The following RIMS2 variants were observed in gnomAD, a reference collection of about 807,000 sequenced individuals.
The protein encoded by RIMS2 is regulating synaptic membrane exocytosis 2, also known as regulating synaptic membrane exocytosis protein 2.
A neutral mutation model predicts 174.4 loss-of-function variants in RIMS2; 59 were observed. The observed-to-expected ratio is 0.34, with a 90% CI of 0.27 to 0.42. The LOEUF (loss-of-function observed/expected upper bound fraction) is 0.42, where lower values mean the gene tolerates loss of function less well. RIMS2 is among the 10% of genes least tolerant of loss of function. The pLI is 1.00. For synonymous variants in RIMS2, 606 were observed against 572.5 expected (o/e 1.06, Z -0.84); for missense variants, 1,620 against 1,666.3 (o/e 0.97, Z 0.48).
chr8:103,521,609 T>C (rs960507838), intron 1 of RIMS2, among the ~76,000 whole-genome samples: 6 of 152,250 alleles, frequency 3.9e-5, no homozygotes, highest in African/African-American at 1.4e-4. Flanking sequence ...GAAAATTTCA[T>C]TGCAATTAAA....
intron 1 of RIMS2, among the ~76,000 whole-genome samples, chr8:103,665,559 G>A (rs963629188): frequency 3.3e-5 from 5 of 152,184 alleles, no homozygotes; most frequent in African/African-American, 4.8e-5. Flanking sequence ...AGATAGGTTT[G>A]TAATCTTTCT....
chr8:103,858,911 G>GTCAT (rs1285135133), intron 3 of RIMS2, among the ~76,000 whole-genome samples: 1 of 151,958 alleles, frequency 6.6e-6, no homozygotes, highest in Non-Finnish European at 1.5e-5. Context: ...CATTGAGCTT[G>GTCAT]TCATTCATTC....
At chr8:104,001,693 C>T (rs1019260390) in intron 17 of RIMS2, among the ~76,000 whole-genome samples, 8 of 152,008 alleles carry the variant, frequency 5.3e-5, no homozygotes, top group Non-Finnish European at 1.2e-4. Context: ...TGACCTCCAT[C>T]CCAATCCACT....
chr8:104,016,717 A>G (rs1393519648), intron 19 of RIMS2, among the ~76,000 whole-genome samples: 1 of 152,114 alleles, frequency 6.6e-6, no homozygotes, highest in Non-Finnish European at 1.5e-5. Flanking sequence ...AGAAACTATA[A>G]TTTATGCACA....
At chr8:103,948,408 AAGGTAGAAAT>A (rs2154542166) in intron 14 of RIMS2, among the ~76,000 whole-genome samples, 1 of 152,358 alleles carries the variant, frequency 6.6e-6, no homozygotes, top group Admixed American at 6.5e-5. Flanking sequence ...CAATGATTAA[AAGGTAGAAAT>A]AGTCCAAATA....
chr8:104,203,457 G>A (rs10505057), intron 19 of RIMS2, among the ~76,000 whole-genome samples: 17,039 of 133,724 alleles, frequency 0.13, 1,403 homozygotes, highest in African/African-American at 0.25. Flanking sequence ...TTTAATACAA[G>A]TTTTAGGAGT....
intron 19 of RIMS2, among the ~76,000 whole-genome samples, chr8:104,086,104 A>T (rs1226633030): frequency 6.6e-6 from 1 of 152,014 alleles, no homozygotes; most frequent in Admixed American, 6.6e-5. Flanking sequence ...CTGGGAAAGG[A>T]GATTAAAAAG....
chr8:103,918,991 T>C (rs1488002775), intron 9 of RIMS2, among the ~76,000 whole-genome samples: 1 of 152,230 alleles, frequency 6.6e-6, no homozygotes. Context: ...ATAACAGTTC[T>C]GATTTAACGT....
intron 1 of RIMS2, among the ~76,000 whole-genome samples, chr8:103,693,311 T>C (rs568644443): frequency 6.6e-6 from 1 of 152,324 alleles, no homozygotes; most frequent in Admixed American, 6.5e-5. Flanking sequence ...CCCTCTTCAG[T>C]GCCTCTTTTT....
chr8:104,124,763 G>C (rs2098414994), intron 19 of RIMS2, among the ~76,000 whole-genome samples: 2 of 152,146 alleles, frequency 1.3e-5, no homozygotes, highest in South Asian at 4.1e-4. Flanking sequence ...AGAATGTCCA[G>C]CTTTATGGAA....
chr8:103,713,950 G>A (rs2097338853), intron 2 of RIMS2, among the ~76,000 whole-genome samples: 1 of 151,810 alleles, frequency 6.6e-6, no homozygotes, highest in Admixed American at 6.6e-5. Flanking sequence ...CCCACTCCCA[G>A]TCCACAATTC....
intron 1 of RIMS2, among the ~76,000 whole-genome samples, chr8:103,541,352 GA>G (rs1436585897): frequency 2.0e-5 from 3 of 152,338 alleles, no homozygotes; most frequent in African/African-American, 7.2e-5. Context: ...AGTGCTGAAG[GA>G]AGTATCTGTT....
chr8:103,997,193 G>A (rs569080838), intron 17 of RIMS2, among the ~76,000 whole-genome samples: 1 of 151,848 alleles, frequency 6.6e-6, no homozygotes, highest in South Asian at 2.1e-4. Flanking sequence ...GAAAATGAGC[G>A]AGATACAGTG....
chr8:104,207,768 A>G (rs912150216), intron 19 of RIMS2, among the ~76,000 whole-genome samples: 2 of 151,722 alleles, frequency 1.3e-5, no homozygotes, highest in South Asian at 2.1e-4. Flanking sequence ...AGCCAAGATC[A>G]CGCCATTGCA....
intron 19 of RIMS2, among the ~76,000 whole-genome samples, chr8:104,117,651 T>A (rs2098300540): frequency 1.3e-5 from 2 of 152,184 alleles, no homozygotes; most frequent in Non-Finnish European, 2.9e-5. Flanking sequence ...CAAAAATTTA[T>A]CTTTAAAATT....
intron 3 of RIMS2, among the ~76,000 whole-genome samples, chr8:103,773,671 G>A (rs772542251): frequency 2.0e-5 from 3 of 151,996 alleles, no homozygotes; most frequent in Admixed American, 6.5e-5. Flanking sequence ...TGGAGGTTGC[G>A]GTGAGCTGAG....
chr8:104,082,514 T>C (rs1433909920), intron 19 of RIMS2, among the ~76,000 whole-genome samples: 1 of 152,144 alleles, frequency 6.6e-6, no homozygotes, highest in Non-Finnish European at 1.5e-5. Flanking sequence ...GTTATGGCGT[T>C]ACATGAGCAC....
intron 19 of RIMS2, among the ~76,000 whole-genome samples, chr8:104,015,844 C>T (rs541258496): frequency 1.3e-5 from 2 of 152,002 alleles, no homozygotes; most frequent in Admixed American, 6.6e-5. Flanking sequence ...TATTTACCAT[C>T]ATATATTTCA....
chr8:103,536,787 C>T lies in RIMS2; in HGVS notation c.176+35725C>T, dbSNP rs538468007. On this transcript the variant is annotated intron_variant, in intron 1 of 23. Coordinates refer to ENST00000504942, the Ensembl canonical transcript of RIMS2. ...GATCCAATCACCTCCCACCAGGTCC[C>T]ACCCTCCAACACTGGGGATCACAAT... Among the ~76,000 whole-genome samples, 14 of 152,320 alleles carry T rather than the reference C, an allele frequency of 9.2e-5. No homozygotes were observed. In the South Asian group the frequency reaches 2.9e-3, roughly 32 times the overall value.
Sources: gnomAD v4.1 joint callset for allele counts (sites outside exome capture counted in the v4.1 genomes callset) on GRCh38, gnomAD v4.1.1 for gene constraint, MANE v1.5 for transcripts, NCBI Gene and HGNC (gene_info 2026-07-23, HGNC 2026-07-21) for gene names.